Variants in RGSL1 observed in about 807,000 individuals in gnomAD.
RGSL1 encodes the protein regulator of G protein signaling like 1, also known as regulator of G protein signaling protein-like.
RGSL1 carries 97 observed loss-of-function variants against 124.7 expected under a neutral mutation model. The observed-to-expected ratio is 0.78, with a 90% CI of 0.66 to 0.92. The LOEUF (loss-of-function observed/expected upper bound fraction) is 0.92, where lower values mean the gene tolerates loss of function less well. Among genes scored for constraint, RGSL1 ranks in the 40% least tolerant of loss-of-function variants. The probability of loss-of-function intolerance (pLI) is 0.00; values close to 1 mark genes in which losing one functional copy is unlikely to be tolerated. For synonymous variants in RGSL1, 424 were observed against 438.1 expected (o/e 0.97, Z 0.40); for missense variants, 1,233 against 1,288.4 (o/e 0.96, Z 0.66).
At chr1:182,514,137 C>T (rs1043041361) in intron 9 of RGSL1, among the ~76,000 whole-genome samples, 8 of 152,170 alleles carry the variant, frequency 5.3e-5, no homozygotes, top group Non-Finnish European at 8.8e-5. Flanking sequence ...AGGTGATCCA[C>T]CAACCTCAGC....
chr1:182,549,037 A>T lies in RGSL1; in HGVS notation c.2933+213A>T. 11 of 506,660 alleles carry T rather than the reference A, an allele frequency of 2.2e-5. No individual in the cohort carries two copies. The South Asian group carries it at 2.7e-4, about 13-fold the overall frequency. The allele number at this position is 506,660 out of a possible 1,614,324, so 31.4% of individuals were successfully genotyped here. On this transcript the variant is annotated intron_variant, in intron 17 of 21. Transcript: ENST00000294854. ...AGATGGAAGGCAGAGTAAGACTGAGAGCCAAACGCCTGGTTTCCCACCCCT... is the reference window on the plus strand; with the variant it reads ...AGATGGAAGGCAGAGTAAGACTGAGTGCCAAACGCCTGGTTTCCCACCCCT...
intron 2 of RGSL1, among the ~76,000 whole-genome samples, chr1:182,454,586 ATGTGTGTGTGTGTGTGTGTGTGTGTG>A (rs68163917): frequency 6.9e-6 from 1 of 144,508 alleles, no homozygotes; most frequent in Non-Finnish European, 1.5e-5. Context: ...CTTGAGTTGT[ATGTGTGTGTGTGTGTGTGTGTGTGTG>A]TGTGTGTGTG....
At chr1:182,460,652 T>C (rs977500743) in intron 4 of RGSL1, 12 of 455,868 alleles carry the variant, frequency 2.6e-5, no homozygotes, top group Admixed American at 4.7e-5. Context: ...TAAAAAGTAA[T>C]TGGTGGTGGT....
At chr1:182,539,747 T>C (rs1659767468) in intron 14 of RGSL1, among the ~76,000 whole-genome samples, 1 of 152,224 alleles carries the variant, frequency 6.6e-6, no homozygotes. Flanking sequence ...TTCTAGTGGC[T>C]CTTGTGCTCT....
intron 9 of RGSL1, among the ~76,000 whole-genome samples, chr1:182,516,454 A>G (rs1006184002): frequency 6.6e-6 from 1 of 152,320 alleles, no homozygotes; most frequent in East Asian, 1.9e-4. Context: ...ATTCAGTGTT[A>G]TCAATAAGTA....
At chr1:182,500,346 A>T (rs1656256005) in intron 9 of RGSL1, among the ~76,000 whole-genome samples, 1 of 152,208 alleles carries the variant, frequency 6.6e-6, no homozygotes. Flanking sequence ...TTATTTTTGG[A>T]ATCAAAATTC....
chr1:182,512,948 CTTT>C (rs1657568032), intron 9 of RGSL1, among the ~76,000 whole-genome samples: 1 of 152,170 alleles, frequency 6.6e-6, no homozygotes, highest in Admixed American at 6.5e-5. Flanking sequence ...CTCCTCTGCT[CTTT>C]TGTTTGTCTG....
At chr1:182,511,150 T>C (rs551197943) in intron 9 of RGSL1, among the ~76,000 whole-genome samples, 1 of 152,298 alleles carries the variant, frequency 6.6e-6, no homozygotes, top group Admixed American at 6.5e-5. Context: ...TTCTTCTCCA[T>C]ATAGTTATCC....
At chr1:182,457,229 G>C (rs554850656) in intron 2 of RGSL1, among the ~76,000 whole-genome samples, 1 of 152,290 alleles carries the variant, frequency 6.6e-6, no homozygotes, top group South Asian at 2.1e-4. Flanking sequence ...GAGCTGACCA[G>C]GTCTGCTGGC....
At position 182,474,542 on chromosome 1, in the gene RGSL1, G is replaced by A. The variant is rs1243875133; in HGVS notation, c.1431G>A (p.Lys477=). ...WIPKAQKEIC[K]MLSPWYDEFL... is the part of the protein sequence containing the mutation. ...CCAAAGCCCAGAAGGAGATTTGCAA[G>A]GTAGGCCATGCCTCACAGAAATAAG... is the stretch of plus-strand genomic sequence containing the variant. Residue 477 remains lysine (K), a splice_region_variant and synonymous_variant, in exon 6 of 22, where the codon AAG becomes AAA. Transcript: ENST00000294854. 1 of 1,536,594 alleles carries A rather than the reference G, an allele frequency of 6.5e-7. No homozygotes were observed. Among genetic ancestry groups the A allele is most frequent in the Non-Finnish European group, 8.8e-7 (1 of 1,138,338 alleles).
At chr1:182,492,516 T>C (rs1655602971) in intron 8 of RGSL1, among the ~76,000 whole-genome samples, 1 of 152,224 alleles carries the variant, frequency 6.6e-6, no homozygotes, top group African/African-American at 2.4e-5. Flanking sequence ...GAGAGGATCT[T>C]CTCATTCTGG....
chr1:182,454,358 G>T (rs1652105229), intron 2 of RGSL1, among the ~76,000 whole-genome samples: 1 of 152,080 alleles, frequency 6.6e-6, no homozygotes. Context: ...TACCCTCACT[G>T]GGTACCCCTG....
chr1:182,517,731 A>C (rs1288122682), intron 9 of RGSL1, among the ~76,000 whole-genome samples: 2 of 152,036 alleles, frequency 1.3e-5, no homozygotes, highest in African/African-American at 4.8e-5. Flanking sequence ...AATTTCTTTT[A>C]TTATTTCAAC....
chr1:182,524,743 G>A (rs1658613520), intron 10 of RGSL1, among the ~76,000 whole-genome samples: 1 of 152,176 alleles, frequency 6.6e-6, no homozygotes, highest in African/African-American at 2.4e-5. Context: ...CCAATGACCA[G>A]GAGCACTGTC....
At position 182,480,694 on chromosome 1, in the gene RGSL1, G is replaced by A. The variant is rs188248326; in HGVS notation, c.1431+6152G>A. 1.4e-4 allele frequency among the ~76,000 whole-genome samples: 21 copies of A among 152,184 alleles called. No individual in the cohort carries two copies. In the East Asian group the frequency reaches 1.5e-3, roughly 11 times the overall value. On this transcript the variant is annotated intron_variant, in intron 6 of 21. Transcript: ENST00000294854. ...TGGTCTCAAACTCCCGACCTCAGGC[G>A]ATCCACCTGCCTCAGCCTCCCAAAG...
chr1:182,485,609 T>G (rs12026227), intron 6 of RGSL1, among the ~76,000 whole-genome samples: 15,713 of 152,182 alleles, frequency 0.1, 975 homozygotes, highest in South Asian at 0.18. Flanking sequence ...TCATTAGAGA[T>G]TCTGTCATCC....
chr1:182,455,438 C>T (rs1325600201), intron 2 of RGSL1, among the ~76,000 whole-genome samples: 11 of 151,894 alleles, frequency 7.2e-5, no homozygotes, highest in East Asian at 3.9e-4. Context: ...AAAAATTAGC[C>T]GGGCGTGGTG....
chr1:182,493,117 G>A lies in RGSL1; in HGVS notation c.1813G>A (p.Ala605Thr). 1 of 1,549,636 alleles carries A rather than the reference G, an allele frequency of 6.5e-7. No homozygotes were observed. The highest frequency in any genetic ancestry group is 8.7e-7 in the Non-Finnish European group (1 of 1,145,248). The change falls in exon 9 of 22, where the codon GCA (alanine) becomes ACA (threonine). Residue 605 changes from alanine to threonine, a missense_variant. Transcript: ENST00000294854. ...SDDYKIYCEK[A>T]PKIDFKMEII... ...TGACTACAAAATATACTGTGAGAAAGCACCTAAAATAGGCAAGTGTTTAAA... is the reference window on the plus strand; with the variant it reads ...TGACTACAAAATATACTGTGAGAAAACACCTAAAATAGGCAAGTGTTTAAA...
chr1:182,451,143 C>CAAAAAA (rs569488586), intron 1 of RGSL1, among the ~76,000 whole-genome samples: 8 of 105,072 alleles, frequency 7.6e-5, no homozygotes, highest in African/African-American at 2.5e-4. Flanking sequence ...GAGACTTTGG[C>CAAAAAA]AAAAAAAAAA....
Sources: gnomAD v4.1 joint callset for allele counts (sites outside exome capture counted in the v4.1 genomes callset) on GRCh38, gnomAD v4.1.1 for gene constraint, MANE v1.5 for transcripts, NCBI Gene and HGNC (gene_info 2026-07-23, HGNC 2026-07-21) for gene names.